Variants in VWF observed in about 807,000 individuals in gnomAD.
VWF encodes von Willebrand factor, also known as Factor VIII related antigen.
VWF carries 176 observed loss-of-function variants against 308.6 expected under a neutral mutation model. That is an observed-to-expected ratio of 0.57 (90% confidence interval 0.50 to 0.65). The LOEUF (loss-of-function observed/expected upper bound fraction) is 0.65, where lower values mean the gene tolerates loss of function less well. Among genes scored for constraint, VWF ranks in the 30% least tolerant of loss-of-function variants. VWF has a pLI of 0.00. For missense variants in VWF, 3,146 were observed against 3,648.2 expected, an observed-to-expected ratio of 0.86 and a Z score of 3.55; for synonymous variants, 1,385 against 1,443.4, an observed-to-expected ratio of 0.96 and a Z score of 0.92.
Position 6,020,270 on chromosome 12 carries a change from AAG to A in VWF, c.3675-529_3675-528del, listed in dbSNP as rs1336075036. Among the ~76,000 whole-genome samples the A allele has an allele frequency of 6.6e-6, 1 of 152,262 alleles. No homozygotes were observed. Among genetic ancestry groups the A allele is most frequent in the Non-Finnish European group, 1.5e-5 (1 of 68,042 alleles). On this transcript the variant is annotated intron_variant, in intron 27 of 51. Coordinates refer to ENST00000261405, the MANE Select transcript of VWF (RefSeq NM_000552.5). The surrounding 1 kb of genome is among the most constrained non-coding windows in gnomAD (Gnocchi z 4.3). ...ATGTTTGATATGTTGGGCCCTAACG[AAG>A]AGAGAAAAAATTGGAGCAAAAACAT...
intron 2 of VWF, among the ~76,000 whole-genome samples, chr12:6,122,323 G>C (rs952305276): frequency 6.6e-6 from 1 of 152,050 alleles, no homozygotes; most frequent in Non-Finnish European, 1.5e-5. Flanking sequence ...GCATGTCTTG[G>C]GCATGTTAAA....
intron 40 of VWF, 98 bp from the exon 41 acceptor site, chr12:5,983,352 T>C: frequency 1.6e-6 from 2 of 1,223,890 alleles, no homozygotes; most frequent in Non-Finnish European, 2.3e-6. Context: ...TGCAGACTTC[T>C]ACTGTTTTAG....
At chr12:6,006,969 T>C (rs1398772504) in intron 34 of VWF, among the ~76,000 whole-genome samples, 1 of 152,024 alleles carries the variant, frequency 6.6e-6, no homozygotes, top group Admixed American at 6.6e-5. Flanking sequence ...AAACTTCAAG[T>C]CAAAGATGGT....
chr12:5,951,502 T>C (rs1943190355), intron 50 of VWF, among the ~76,000 whole-genome samples: 1 of 152,134 alleles, frequency 6.6e-6, no homozygotes, highest in East Asian at 1.9e-4. Context: ...GAACATATCG[T>C]CCCAGGATAG....
chr12:5,990,835 C>T, intron 38 of VWF, among the ~76,000 whole-genome samples: 1 of 117,950 alleles, frequency 8.5e-6, no homozygotes, highest in Non-Finnish European at 1.6e-5. Context: ...GGTAAATATG[C>T]TTTCAAAATA....
chr12:6,020,176 T>C lies in VWF; in HGVS notation c.3675-433A>G, dbSNP rs960327618. ...GTAGACGCTAACCTGTGTTTGTACA[T>C]GTTCTGTTGAAGATAAATGCTTTAC... On this transcript the variant is annotated intron_variant, in intron 27 of 51. Coordinates refer to ENST00000261405, the MANE Select transcript of VWF (RefSeq NM_000552.5). This position sits in a 1 kb window ranked among gnomAD's most constrained non-coding sequence, Gnocchi z 4.3. Among the ~76,000 whole-genome samples, 19 of 152,360 alleles carry C rather than the reference T, an allele frequency of 1.2e-4. No homozygotes were observed. Among genetic ancestry groups the C allele is most frequent in the African/African-American group, 4.3e-4 (18 of 41,584 alleles).
Position 6,064,366 on chromosome 12 carries a change from C to A in VWF, c.1312G>T (p.Ala438Ser), listed in dbSNP as rs756620872. The change falls in exon 12 of 52, where the codon GCT becomes TCT. Residue 438 changes from alanine (A) to serine (S), a missense_variant. Physicochemically the swap from Ala to Ser is moderately conservative, Grantham distance 99 (BLOSUM62 1). Around this residue, in one of 3 missense-constraint regions of VWF, gnomAD observed 1,304 missense variants for 1,353.0 expected, o/e 0.96. Coordinates refer to ENST00000261405, the MANE Select transcript of VWF (RefSeq NM_000552.5). ...ACGGTGACGGAGCGGGTGCACACAG[C>A]GTCGCGGTCATCAGCACACTGCCAA... ...ETVQCADDRD[A>S]VCTRSVTVRL... 19 of 1,613,968 alleles carry A rather than the reference C, an allele frequency of 1.2e-5. No individual in the cohort carries two copies. Among genetic ancestry groups the A allele is most frequent in the Non-Finnish European group, 1.5e-5 (18 of 1,180,024 alleles).
At chr12:6,113,004 T>C (rs1375156908) in intron 3 of VWF, among the ~76,000 whole-genome samples, 1 of 152,134 alleles carries the variant, frequency 6.6e-6, no homozygotes, top group African/African-American at 2.4e-5. Flanking sequence ...ATTCTAGGAA[T>C]AGTTTTAATG....
intron 5 of VWF, among the ~76,000 whole-genome samples, chr12:6,107,004 T>C (rs530450724): frequency 1.7e-4 from 26 of 151,958 alleles, no homozygotes; most frequent in African/African-American, 6.3e-4. Flanking sequence ...TAATTTTCCA[T>C]AATTGGAAAC....
intron 41 of VWF, among the ~76,000 whole-genome samples, chr12:5,982,824 C>A (rs1943622155): frequency 1.3e-5 from 2 of 151,796 alleles, no homozygotes; most frequent in South Asian, 4.2e-4. Context: ...ACATTCCCTC[C>A]CCTTGATGAC....
At chr12:6,036,618 C>A in intron 18 of VWF, 127 bp from the exon 19 acceptor site, 2 of 885,180 alleles carry the variant, frequency 2.3e-6, no homozygotes, top group Non-Finnish European at 3.6e-6. Flanking sequence ...GGACTGGCAC[C>A]AGGACCAGGG....
chr12:6,039,296 G>A (rs1406496231), intron 18 of VWF, among the ~76,000 whole-genome samples: 5 of 152,206 alleles, frequency 3.3e-5, no homozygotes, highest in Non-Finnish European at 5.9e-5. Flanking sequence ...GTGGTCCTAC[G>A]TGTTGGTCCA....
intron 47 of VWF, among the ~76,000 whole-genome samples, chr12:5,958,416 G>A (rs1281580832): frequency 6.6e-6 from 1 of 152,012 alleles, no homozygotes; most frequent in African/African-American, 2.4e-5. Flanking sequence ...GGCCAGTGAG[G>A]TGGCTTCATG....
chr12:5,957,816 T>C (rs1192436982), intron 47 of VWF, among the ~76,000 whole-genome samples: 1 of 152,094 alleles, frequency 6.6e-6, no homozygotes, highest in African/African-American at 2.4e-5. Flanking sequence ...GCACTGAAAA[T>C]TATAAATATG....
At chr12:6,122,067 T>C (rs1945438258) in intron 2 of VWF, among the ~76,000 whole-genome samples, 1 of 152,224 alleles carries the variant, frequency 6.6e-6, no homozygotes, top group Admixed American at 6.5e-5. Context: ...TATACAGCTG[T>C]GGGTTTTTTA....
intron 38 of VWF, among the ~76,000 whole-genome samples, chr12:5,990,814 C>T (rs891030293): frequency 1.1e-4 from 14 of 133,332 alleles, no homozygotes; most frequent in Non-Finnish European, 1.2e-4. Flanking sequence ...TAGGCCAAGA[C>T]GGAGGAGTCT....
At chr12:6,103,431 C>T (rs572240656) in intron 5 of VWF, among the ~76,000 whole-genome samples, 3,908 of 111,590 alleles carry the variant, frequency 0.035, 509 homozygotes, top group African/African-American at 0.15. Flanking sequence ...TGTATACACA[C>T]GTGTGTATAT....
chr12:5,961,487 C>T (rs936497225), intron 47 of VWF, among the ~76,000 whole-genome samples: 1 of 145,098 alleles, frequency 6.9e-6, no homozygotes, highest in Non-Finnish European at 1.5e-5. Context: ...ACAAGAAAAA[C>T]AAAACAGAAT....
intron 19 of VWF, 127 bp downstream of exon 19, chr12:6,036,261 G>A: frequency 3.8e-6 from 3 of 779,424 alleles, no homozygotes; most frequent in South Asian, 2.9e-5. Context: ...AGGCACGGAG[G>A]AAAGGCAGAG....
Sources: allele counts gnomAD v4.1 joint callset (sites outside exome capture counted in the v4.1 genomes callset), GRCh38; gene constraint gnomAD v4.1.1; regional missense constraint gnomAD v4.1.1; non-coding constraint Gnocchi (gnomAD v3.1); transcripts MANE v1.5; gene names NCBI Gene and HGNC (gene_info 2026-07-23, HGNC 2026-07-21).